PAN3: variants seen among roughly 807,000 people sequenced by gnomAD.
PAN3 encodes PAN2-PAN3 deadenylation complex subunit PAN3.
A neutral mutation model predicts 96.2 loss-of-function variants in PAN3; 19 were observed. The observed-to-expected ratio is 0.20, with a 90% CI of 0.14 to 0.29. The LOEUF is 0.29. Among genes scored for constraint, PAN3 ranks in the 10% least tolerant of loss-of-function variants. PAN3 has a pLI of 1.00. For missense variants in PAN3, 882 were observed against 1,108.1 expected, an observed-to-expected ratio of 0.80 and a Z score of 2.90; for synonymous variants, 433 against 406.6, an observed-to-expected ratio of 1.06 and a Z score of -0.78.
intron 6 of PAN3, among the ~76,000 whole-genome samples, chr13:28,226,152 G>A (rs1030621004): frequency 2.0e-5 from 3 of 152,114 alleles, no homozygotes; most frequent in Non-Finnish European, 2.9e-5. Context: ...AGGGCTCTAC[G>A]TTAAGTCTTT....
At chr13:28,215,258 G>C in intron 5 of PAN3, 5 of 708,896 alleles carry the variant, frequency 7.1e-6, no homozygotes, top group Non-Finnish European at 7.9e-6. Flanking sequence ...CCTTGCACCA[G>C]CCTCTCCAGG....
chr13:28,288,885 G>A (rs1005569761), intron 18 of PAN3, among the ~76,000 whole-genome samples: 1 of 137,616 alleles, frequency 7.3e-6, no homozygotes, highest in Non-Finnish European at 1.5e-5. Context: ...GGAGTGCAGT[G>A]GCGCCATCTA....
At chr13:28,202,576 T>C (rs1878863550) in intron 5 of PAN3, among the ~76,000 whole-genome samples, 1 of 152,214 alleles carries the variant, frequency 6.6e-6, no homozygotes, top group Non-Finnish European at 1.5e-5. Context: ...CTTCCTTCTT[T>C]TTCCTTTAAG....
intron 13 of PAN3, among the ~76,000 whole-genome samples, chr13:28,271,744 G>C (rs1221516413): frequency 6.6e-6 from 1 of 152,184 alleles, no homozygotes; most frequent in Admixed American, 6.5e-5. Flanking sequence ...GTGAGTTATA[G>C]TTCTGGCTTT....
intron 6 of PAN3, among the ~76,000 whole-genome samples, chr13:28,233,610 T>G (rs1330807993): frequency 6.6e-6 from 1 of 152,192 alleles, no homozygotes; most frequent in African/African-American, 2.4e-5. Context: ...TTATTTTGTT[T>G]GGAGGAAAAG....
intron 4 of PAN3, among the ~76,000 whole-genome samples, chr13:28,179,846 T>C (rs1262993798): frequency 6.6e-6 from 1 of 152,116 alleles, no homozygotes; most frequent in East Asian, 1.9e-4. Context: ...AAATATATGA[T>C]TTAGAGCTCC....
At chr13:28,225,242 A>G (rs543841536) in intron 6 of PAN3, among the ~76,000 whole-genome samples, 1 of 152,328 alleles carries the variant, frequency 6.6e-6, no homozygotes, top group Non-Finnish European at 1.5e-5. Flanking sequence ...AAAAGGGGAA[A>G]TTAATATTTG....
At chr13:28,152,544 A>G (rs752315438) in intron 1 of PAN3, among the ~76,000 whole-genome samples, 3 of 152,038 alleles carry the variant, frequency 2.0e-5, no homozygotes, top group African/African-American at 4.8e-5. Context: ...AGATGGCGCT[A>G]TTGCACTCCA....
chr13:28,203,548 A>T (rs775909657), intron 5 of PAN3, among the ~76,000 whole-genome samples: 1 of 146,888 alleles, frequency 6.8e-6, no homozygotes, highest in Non-Finnish European at 1.5e-5. Context: ...GACTCAAGTG[A>T]CCCACTTGCC....
Position 28,294,420 on chromosome 13 carries a change from C to T in PAN3, c.*1898C>T, listed in dbSNP as rs1450887191. 6.6e-6 allele frequency: 1 copy of T among 152,512 alleles called. No individual in the cohort carries two copies. 9.4% of individuals were successfully genotyped at this position (152,512 alleles called of 1,614,324 possible). On this transcript the variant is annotated 3_prime_UTR_variant, in exon 19 of 19. Transcript: ENST00000380958. The stretch of plus-strand genomic sequence containing the variant: ...TTGTATTCTTTTGTACAAAAAAGAA[C>T]TACTTGTATTCTAGAAGAAATATGA...
At chr13:28,199,806 A>C (rs750882108) in intron 5 of PAN3, among the ~76,000 whole-genome samples, 1 of 152,172 alleles carries the variant, frequency 6.6e-6, no homozygotes, top group Non-Finnish European at 1.5e-5. Flanking sequence ...TACTAGTTAA[A>C]AGAATTGTGT....
intron 4 of PAN3, among the ~76,000 whole-genome samples, chr13:28,180,893 A>G (rs1403131789): frequency 6.6e-6 from 1 of 152,196 alleles, no homozygotes. Context: ...TGGAGATGCA[A>G]TACATGAACC....
intron 1 of PAN3, among the ~76,000 whole-genome samples, chr13:28,172,697 T>A (rs1874460876): frequency 1.3e-5 from 2 of 152,304 alleles, no homozygotes; most frequent in South Asian, 2.1e-4. Context: ...AGTTTTTCTA[T>A]GGATTTACTT....
At chr13:28,247,540 T>A (rs141450646) in intron 6 of PAN3, among the ~76,000 whole-genome samples, 1 of 152,272 alleles carries the variant, frequency 6.6e-6, no homozygotes, top group East Asian at 1.9e-4. Flanking sequence ...TTCCCAATGT[T>A]TTTTTCCTAA....
chr13:28,179,298 C>G (rs1210672412), intron 4 of PAN3, among the ~76,000 whole-genome samples: 1 of 152,174 alleles, frequency 6.6e-6, no homozygotes. Flanking sequence ...TGGAAGCAAG[C>G]AGTAAAATGC....
intron 4 of PAN3, among the ~76,000 whole-genome samples, chr13:28,196,312 T>C (rs1878050563): frequency 6.6e-6 from 1 of 152,160 alleles, no homozygotes; most frequent in Non-Finnish European, 1.5e-5. Flanking sequence ...AGGGAAAAAA[T>C]ACATACAAGT....
At chr13:28,236,020 C>T (rs991826927) in intron 6 of PAN3, among the ~76,000 whole-genome samples, 2 of 152,006 alleles carry the variant, frequency 1.3e-5, no homozygotes, top group African/African-American at 2.4e-5. Context: ...ACGTGAACCC[C>T]GTGCATGGCC....
rs1456753539 is a variant in PAN3 at position 28,138,779 on chromosome 13, C to T, written c.122C>T (p.Ala41Val). The T allele has an allele frequency of 8.7e-6, 12 of 1,372,504 alleles. No individual in the cohort carries two copies. The highest frequency in any genetic ancestry group is 5.0e-5 in the South Asian group (3 of 59,716). The allele number at this position is 1,372,504 out of a possible 1,614,324, so 85.0% of individuals were successfully genotyped here. A position where few individuals can be genotyped will look rare whatever the true frequency, so the allele number is the denominator to read the frequency against. ...PGVGGVPGGA[A>V]VGVKLKYCRY... ...GTCGGGGGTGTCCCCGGCGGGGCGG[C>T]GGTAGGAGTGAAGCTGAAGTACTGC... is the stretch of plus-strand genomic sequence containing the variant. Residue 41 changes from alanine to valine, a missense_variant, in exon 1 of 19, where the codon GCG becomes GTG. Physicochemically the swap from Ala to Val is moderately conservative, Grantham distance 64. Coordinates refer to ENST00000380958, the MANE Select transcript of PAN3 (RefSeq NM_175854.8).
At chr13:28,156,364 T>C (rs1872164463) in intron 1 of PAN3, among the ~76,000 whole-genome samples, 1 of 151,894 alleles carries the variant, frequency 6.6e-6, no homozygotes, top group Non-Finnish European at 1.5e-5. Flanking sequence ...TAGAGAAAAA[T>C]TGAAACCCTG....
Sources: allele counts gnomAD v4.1 joint callset (sites outside exome capture counted in the v4.1 genomes callset), GRCh38; gene constraint gnomAD v4.1.1; transcripts MANE v1.5; gene names NCBI Gene and HGNC (gene_info 2026-07-23, HGNC 2026-07-21).